The following PDSS1 variants were observed in gnomAD, a reference collection of about 807,000 sequenced individuals.
PDSS1 encodes the protein decaprenyl diphosphate synthase subunit 1, also known as all trans-polyprenyl-diphosphate synthase PDSS1.
PDSS1 carries 43 observed loss-of-function variants against 57.5 expected under a neutral mutation model. The ratio of observed to expected loss-of-function variants is 0.75; its 90% CI spans 0.59 to 0.96. PDSS1 has a LOEUF of 0.96. Among genes scored for constraint, PDSS1 ranks in the 50% least tolerant of loss-of-function variants. PDSS1 has a pLI of 0.00. For missense variants in PDSS1, 438 were observed against 527.8 expected (o/e 0.83, Z 1.67); for synonymous variants, 175 against 191.3 (o/e 0.91, Z 0.70).
chr10:26,735,598 C>G lies in PDSS1; in HGVS notation c.1026+19C>G, dbSNP rs767859422. 1 of 1,349,648 alleles carries G rather than the reference C, an allele frequency of 7.4e-7. No homozygotes were observed. The highest frequency in any genetic ancestry group is 1.1e-6 in the Non-Finnish European group (1 of 938,408). 83.6% of individuals were successfully genotyped at this position (1,349,648 alleles called of 1,614,324 possible). A position where few individuals can be genotyped will look rare whatever the true frequency, so the allele number is the denominator to read the frequency against. Reference sequence around the variant, plus strand: ...TCAGCAGGTAGGTTTTACAAACTCCCTTTGACACATCACTGCATAGCCCCA... The same window carrying G: ...TCAGCAGGTAGGTTTTACAAACTCCGTTTGACACATCACTGCATAGCCCCA... On this transcript the variant is annotated intron_variant, in intron 10 of 11. Transcript: ENST00000376215.
Position 26,704,701 on chromosome 10 carries a change from C to A in PDSS1, c.187C>A (p.His63Asn). 1 of 1,438,058 alleles carries A rather than the reference C, an allele frequency of 7.0e-7. No homozygotes were observed. The highest frequency in any genetic ancestry group is 9.8e-7 in the Non-Finnish European group (1 of 1,019,968). The allele number at this position is 1,438,058 out of a possible 1,614,324, so 89.1% of individuals were successfully genotyped here. Reference protein sequence around the residue: ...SQIPYINLVKHLTSACPNVCR... With the variant: ...SQIPYINLVKNLTSACPNVCR... ...GATACCCTATATTAATCTTGTGAAG[C>A]ATTTAACATCTGCCTGTCCAAATGT... The change falls in exon 3 of 12, where the codon CAT (histidine) becomes AAT (asparagine). Residue 63 changes from histidine (H) to asparagine (N), a missense_variant. By Grantham distance (68) the His-to-Asn change is moderately conservative. Coordinates refer to ENST00000376215, the MANE Select transcript of PDSS1 (RefSeq NM_014317.5).
chr10:26,705,515 C>G (rs1345256576), intron 4 of PDSS1, 121 bp downstream of exon 4: 2 of 422,600 alleles, frequency 4.7e-6, no homozygotes, highest in Non-Finnish European at 8.4e-6. Flanking sequence ...ACTCTGTTGC[C>G]CAGGCTTGAG....
At chr10:26,735,001 T>C (rs907410236) in intron 8 of PDSS1, among the ~76,000 whole-genome samples, 6 of 152,232 alleles carry the variant, frequency 3.9e-5, no homozygotes, top group Non-Finnish European at 8.8e-5. Flanking sequence ...TTATCCTGTC[T>C]GAAAGCAGGG....
intron 5 of PDSS1, among the ~76,000 whole-genome samples, chr10:26,712,002 T>TTTTTC (rs1491531697): frequency 2.2e-5 from 1 of 45,062 alleles, no homozygotes; most frequent in East Asian, 8.6e-3. Context: ...TTTCTTTTTC[T>TTTTTC]TTTTTTTTTT....
intron 1 of PDSS1, among the ~76,000 whole-genome samples, chr10:26,699,570 T>G (rs753066841): frequency 4.6e-5 from 7 of 152,028 alleles, no homozygotes; most frequent in Non-Finnish European, 8.8e-5. Context: ...AATTTTTGTA[T>G]TTTTAGTAGA....
chr10:26,721,346 C>T (rs1040893465), intron 6 of PDSS1, among the ~76,000 whole-genome samples: 1 of 151,504 alleles, frequency 6.6e-6, no homozygotes, highest in Non-Finnish European at 1.5e-5. Flanking sequence ...ACCCTCACCT[C>T]CTTTTCTCTC....
chr10:26,739,557 A>C (rs1836515713), intron 10 of PDSS1, among the ~76,000 whole-genome samples: 1 of 152,222 alleles, frequency 6.6e-6, no homozygotes, highest in African/African-American at 2.4e-5. Flanking sequence ...CAGTGAAAAC[A>C]CCCAATCAGC....
At position 26,742,561 on chromosome 10, in the gene PDSS1, G is replaced by A. The variant is rs767162524; in HGVS notation, c.1091G>A (p.Arg364Gln). Residue 364 changes from arginine to glutamine, a missense_variant, in exon 11 of 12, where the codon CGA (arginine) becomes CAA (glutamine). This residue lies in a region of PDSS1 where 284 missense variants were observed against 390.7 expected (regional missense o/e 0.73). Coordinates refer to ENST00000376215, the MANE Select transcript of PDSS1 (RefSeq NM_014317.5). ...TTGCCTGGAGATGTAGACAGAGCTC[G>A]ACAGTATGTACTACAGGTAAGACTG... ...FSLPGDVDRARQYVLQSDGVQ... is the reference protein window; with the variant it reads ...FSLPGDVDRAQQYVLQSDGVQ... 4 of 1,608,156 alleles carry A rather than the reference G, an allele frequency of 2.5e-6. No individual in the cohort carries two copies. Among genetic ancestry groups the A allele is most frequent in the East Asian group, 4.5e-5 (2 of 44,854 alleles).
intron 2 of PDSS1, among the ~76,000 whole-genome samples, chr10:26,703,878 G>A (rs905453232): frequency 5.9e-5 from 9 of 151,678 alleles, no homozygotes; most frequent in East Asian, 5.9e-4. Flanking sequence ...TCAGGAGATC[G>A]AGACCATCCT....
intron 11 of PDSS1, among the ~76,000 whole-genome samples, chr10:26,744,372 ATTTTT>A (rs910502438): frequency 4.7e-5 from 7 of 148,230 alleles, no homozygotes; most frequent in African/African-American, 1.5e-4. Flanking sequence ...ATTTTATTTT[ATTTTT>A]ATTTTATTAT....
chr10:26,729,526 G>A (rs1836090693), intron 8 of PDSS1, among the ~76,000 whole-genome samples: 1 of 152,126 alleles, frequency 6.6e-6, no homozygotes, highest in African/African-American at 2.4e-5. Context: ...TTCCCAAACA[G>A]TGAGAGACCT....
chr10:26,709,006 G>A (rs916509310), intron 4 of PDSS1, among the ~76,000 whole-genome samples: 2 of 151,978 alleles, frequency 1.3e-5, no homozygotes, highest in Non-Finnish European at 2.9e-5. Context: ...GGCTGTCAAT[G>A]AGCCCAGAGT....
chr10:26,725,784 G>A (rs759771830), intron 8 of PDSS1, among the ~76,000 whole-genome samples: 1 of 152,192 alleles, frequency 6.6e-6, no homozygotes, highest in Non-Finnish European at 1.5e-5. Context: ...AAACTTAGAA[G>A]CATTAGCATG....
chr10:26,707,526 G>A (rs1298542322), intron 4 of PDSS1, among the ~76,000 whole-genome samples: 1 of 151,926 alleles, frequency 6.6e-6, no homozygotes, highest in African/African-American at 2.4e-5. Context: ...CTGACCATTG[G>A]GCACTATTGA....
chr10:26,727,279 T>C (rs1379463290), intron 8 of PDSS1, among the ~76,000 whole-genome samples: 1 of 151,698 alleles, frequency 6.6e-6, no homozygotes, highest in Non-Finnish European at 1.5e-5. Context: ...AGTAGCTGAG[T>C]TGAGACTTGA....
At chr10:26,742,755 C>T (rs912864109) in intron 11 of PDSS1, among the ~76,000 whole-genome samples, 178 bp downstream of exon 11, 1 of 152,170 alleles carries the variant, frequency 6.6e-6, no homozygotes, top group African/African-American at 2.4e-5. Context: ...ATTTTCATTT[C>T]TCTTCTAGAC....
At position 26,709,724 on chromosome 10, in the gene PDSS1, G is replaced by A. The variant is rs1835360004; in HGVS notation, c.423G>A (p.Val141=). The A allele has an allele frequency of 6.2e-7, 1 of 1,613,832 alleles. No individual in the cohort carries two copies. The highest frequency in any genetic ancestry group is 1.3e-5 in the African/African-American group (1 of 74,914). Residue 141 remains valine, a synonymous_variant, in exon 5 of 12, where the codon GTG becomes GTA. Coordinates refer to ENST00000376215, the MANE Select transcript of PDSS1 (RefSeq NM_014317.5). ...GKGKAFRPII[V]ALMARACNIH... ...GGAAAGCCTTTCGACCAATTATTGT[G>A]GCGCTAATGGCCCGAGCATGCAATA...
At chr10:26,738,914 A>G (rs373475281) in intron 10 of PDSS1, among the ~76,000 whole-genome samples, 3 of 152,254 alleles carry the variant, frequency 2.0e-5, no homozygotes, top group African/African-American at 4.8e-5. Context: ...GTATGTGTAC[A>G]TATTCTCTTT....
At chr10:26,731,603 G>A (rs1454625284) in intron 8 of PDSS1, among the ~76,000 whole-genome samples, 1 of 152,128 alleles carries the variant, frequency 6.6e-6, no homozygotes, top group African/African-American at 2.4e-5. Flanking sequence ...CCTCTGTTGG[G>A]TCTGTACCAG....
Sources: allele counts gnomAD v4.1 joint callset (sites outside exome capture counted in the v4.1 genomes callset), GRCh38; gene constraint gnomAD v4.1.1; regional missense constraint gnomAD v4.1.1; transcripts MANE v1.5; gene names NCBI Gene and HGNC (gene_info 2026-07-23, HGNC 2026-07-21).